The following BICD1 variants were observed in gnomAD, a reference collection of about 807,000 sequenced individuals.
The protein encoded by BICD1 is BICD cargo adaptor 1.
A neutral mutation model predicts 92.5 loss-of-function variants in BICD1; 35 were observed. That is an observed-to-expected ratio of 0.38 (90% confidence interval 0.29 to 0.50). BICD1 has a LOEUF of 0.50. Among genes scored for constraint, BICD1 ranks in the 20% least tolerant of loss-of-function variants. The pLI is 0.93. For synonymous variants in BICD1, 429 were observed against 465.1 expected (o/e 0.92, Z 1.00); for missense variants, 950 against 1,189.8 (o/e 0.80, Z 2.97).
chr12:32,107,223 T>A lies in BICD1; in HGVS notation c.-109T>A. ...GCTGCTCATTCATCCGGCCGCACTT[T>A]CTTTTCCGTTTCCACCCATCCCTTC... On this transcript the variant is annotated 5_prime_UTR_variant, in exon 1 of 10. Transcript: ENST00000652176. 1 of 1,092,718 alleles carries A rather than the reference T, an allele frequency of 9.2e-7. No homozygotes were observed. The highest frequency in any genetic ancestry group is 1.3e-6 in the Non-Finnish European group (1 of 766,626). The allele number at this position is 1,092,718 out of a possible 1,614,324, so 67.7% of individuals were successfully genotyped here. A position where few individuals can be genotyped will look rare whatever the true frequency, so the allele number is the denominator to read the frequency against.
At chr12:32,142,490 TG>T (rs1387142537) in intron 1 of BICD1, among the ~76,000 whole-genome samples, 5 of 90,776 alleles carry the variant, frequency 5.5e-5, no homozygotes, top group East Asian at 3.1e-4. Context: ...ATCTATCTAT[TG>T]GTCTATCTAT....
intron 1 of BICD1, among the ~76,000 whole-genome samples, chr12:32,126,147 C>T (rs1438257990): frequency 3.3e-5 from 5 of 151,684 alleles, no homozygotes; most frequent in East Asian, 1.9e-4. Context: ...ATTAGTTTTC[C>T]GGCCACTTAG....
At chr12:32,116,510 C>CTCTATATATATATATA (rs1233964108) in intron 1 of BICD1, among the ~76,000 whole-genome samples, 1 of 104,374 alleles carries the variant, frequency 9.6e-6, no homozygotes, top group Non-Finnish European at 1.9e-5. Context: ...CTCTCTCTCT[C>CTCTATATATATATATA]TATATATATA....
intron 2 of BICD1, among the ~76,000 whole-genome samples, chr12:32,287,158 G>C (rs147991736): frequency 9.2e-4 from 140 of 152,210 alleles, no homozygotes; most frequent in African/African-American, 3.0e-3. Context: ...TATAGACTTG[G>C]ATCAGAAAAA....
Position 32,377,716 on chromosome 12 carries a change from C to T in BICD1, c.*89C>T, listed in dbSNP as rs376666707. The T allele has an allele frequency of 5.9e-6, 7 of 1,185,214 alleles. No individual in the cohort carries two copies. Among genetic ancestry groups the T allele is most frequent in the East Asian group, 4.7e-5 (2 of 42,482 alleles). 73.4% of individuals were successfully genotyped at this position (1,185,214 alleles called of 1,614,324 possible). On this transcript the variant is annotated 3_prime_UTR_variant, in exon 10 of 10. Transcript: ENST00000652176. ...CAAGATCCAGCGGGTGTTTTCTTCT[C>T]GGTTGTTAGATGTACAATTGGATTA...
rs576168869 is a variant in BICD1 at position 32,358,522 on chromosome 12, A to C, written c.2765-9148A>C. On this transcript the variant is annotated intron_variant, in intron 8 of 9. Coordinates refer to ENST00000652176, the MANE Select transcript of BICD1 (RefSeq NM_001714.4). ...GGGAGGCTGAGGCAGGCGGATCACG[A>C]GGTCAAGAGATGGAGACCATCCTGG... 3.9e-5 allele frequency among the ~76,000 whole-genome samples: 6 copies of C among 152,086 alleles called. No individual in the cohort carries two copies. In the East Asian group the frequency reaches 1.2e-3, roughly 30 times the overall value.
intron 1 of BICD1, chr12:32,107,985 C>T: frequency 2.4e-6 from 1 of 422,260 alleles, no homozygotes; most frequent in Non-Finnish European, 4.4e-6. Context: ...CCTCAGCTTT[C>T]CTCTGGATGT....
intron 8 of BICD1, among the ~76,000 whole-genome samples, chr12:32,364,378 C>T (rs937563781): frequency 6.6e-6 from 1 of 152,174 alleles, no homozygotes; most frequent in African/African-American, 2.4e-5. Context: ...CCTGCAGCAT[C>T]TCAGAGCTAC....
chr12:32,278,897 T>C (rs1034469368), intron 2 of BICD1, among the ~76,000 whole-genome samples: 1 of 148,420 alleles, frequency 6.7e-6, no homozygotes, highest in African/African-American at 2.5e-5. Context: ...ATAAATAAAT[T>C]GCAGCCCATT....
At chr12:32,156,149 T>C (rs1943430863) in intron 1 of BICD1, among the ~76,000 whole-genome samples, 1 of 152,224 alleles carries the variant, frequency 6.6e-6, no homozygotes, top group African/African-American at 2.4e-5. Context: ...TTATCAGACA[T>C]TTGTAAAGAG....
intron 1 of BICD1, among the ~76,000 whole-genome samples, chr12:32,149,881 G>A (rs1328594545): frequency 6.6e-6 from 1 of 152,146 alleles, no homozygotes; most frequent in Non-Finnish European, 1.5e-5. Context: ...GCACCTACTT[G>A]TAATACTATC....
At chr12:32,255,443 C>T (rs1946689667) in intron 2 of BICD1, among the ~76,000 whole-genome samples, 1 of 152,198 alleles carries the variant, frequency 6.6e-6, no homozygotes, top group African/African-American at 2.4e-5. Flanking sequence ...AATCTTACCT[C>T]TTAAGGTAGT....
At chr12:32,115,923 CTT>C (rs1466341525) in intron 1 of BICD1, among the ~76,000 whole-genome samples, 3 of 152,146 alleles carry the variant, frequency 2.0e-5, no homozygotes, top group Admixed American at 2.0e-4. Context: ...GGCAGTTGGG[CTT>C]TATTACGTTA....
At chr12:32,139,708 C>G (rs554482463) in intron 1 of BICD1, among the ~76,000 whole-genome samples, 1 of 152,214 alleles carries the variant, frequency 6.6e-6, no homozygotes, top group African/African-American at 2.4e-5. Flanking sequence ...GGACTACAGA[C>G]AAGCGCCACC....
chr12:32,360,095 G>A (rs1036277947), intron 8 of BICD1, among the ~76,000 whole-genome samples: 1 of 151,956 alleles, frequency 6.6e-6, no homozygotes, highest in African/African-American at 2.4e-5. Context: ...TGAGGCAGGA[G>A]AATGGTGTGA....
intron 2 of BICD1, among the ~76,000 whole-genome samples, chr12:32,220,951 G>A (rs1945499447): frequency 1.3e-5 from 2 of 149,130 alleles, no homozygotes; most frequent in South Asian, 4.3e-4. Context: ...GTAGGGACAT[G>A]GATGAAATTG....
intron 1 of BICD1, among the ~76,000 whole-genome samples, chr12:32,161,351 G>T (rs373702984): frequency 1.3e-5 from 2 of 152,150 alleles, no homozygotes; most frequent in Non-Finnish European, 2.9e-5. Flanking sequence ...ATGTCAATAT[G>T]ACCAATTATT....
chr12:32,258,466 A>T (rs968199209), intron 2 of BICD1, among the ~76,000 whole-genome samples: 5 of 152,098 alleles, frequency 3.3e-5, no homozygotes, highest in Admixed American at 6.6e-5. Flanking sequence ...GTGTGTGGAA[A>T]CGAGAGATCT....
At chr12:32,218,660 A>G (rs2121557940) in intron 2 of BICD1, among the ~76,000 whole-genome samples, 1 of 152,304 alleles carries the variant, frequency 6.6e-6, no homozygotes, top group South Asian at 2.1e-4. Flanking sequence ...ACATTTAGGT[A>G]TTTTTGATCT....
Sources: allele counts gnomAD v4.1 joint callset (sites outside exome capture counted in the v4.1 genomes callset), GRCh38; gene constraint gnomAD v4.1.1; transcripts MANE v1.5; gene names NCBI Gene and HGNC (gene_info 2026-07-23, HGNC 2026-07-21).